DCC: variants seen among roughly 807,000 people sequenced by gnomAD.
DCC encodes the protein DCC netrin 1 receptor, also known as netrin receptor DCC.
In DCC, 58 loss-of-function variants were observed where a neutral mutation model predicts 172.5. The ratio of observed to expected loss-of-function variants is 0.34; its 90% confidence interval spans 0.27 to 0.42. DCC has a LOEUF of 0.42. DCC is among the 10% of genes least tolerant of loss of function. The pLI is 1.00. For synonymous variants in DCC, 709 were observed against 644.5 expected, an observed-to-expected ratio of 1.10 and a Z score of -1.52; for missense variants, 1,740 against 1,791.0, an observed-to-expected ratio of 0.97 and a Z score of 0.51.
At chr18:53,013,306 A>G (rs922790444) in intron 5 of DCC, among the ~76,000 whole-genome samples, 2 of 152,194 alleles carry the variant, frequency 1.3e-5, no homozygotes, top group Non-Finnish European at 2.9e-5. Flanking sequence ...CCAAATGTCC[A>G]TAATTGATAG....
At chr18:52,742,545 T>C (rs1422807644) in intron 1 of DCC, among the ~76,000 whole-genome samples, 1 of 152,188 alleles carries the variant, frequency 6.6e-6, no homozygotes, top group Admixed American at 6.5e-5. Flanking sequence ...AGGAATGGCA[T>C]GAAGATGTTT....
chr18:53,251,463 A>G (rs1158667815), intron 12 of DCC, among the ~76,000 whole-genome samples: 1 of 152,006 alleles, frequency 6.6e-6, no homozygotes, highest in African/African-American at 2.4e-5. Context: ...TAACAATAAC[A>G]CAAATATGAT....
At chr18:52,684,798 T>G (rs2035803110) in intron 1 of DCC, among the ~76,000 whole-genome samples, 1 of 152,136 alleles carries the variant, frequency 6.6e-6, no homozygotes, top group African/African-American at 2.4e-5. Flanking sequence ...AGTGTACAGG[T>G]GGCTAATCCG....
intron 24 of DCC, among the ~76,000 whole-genome samples, chr18:53,461,108 G>T (rs1296512414): frequency 1.3e-5 from 2 of 152,086 alleles, no homozygotes; most frequent in Non-Finnish European, 2.9e-5. Context: ...CATGTCCTTC[G>T]CCCACTTTTT....
intron 7 of DCC, among the ~76,000 whole-genome samples, chr18:53,154,494 G>A (rs897463578): frequency 1.3e-5 from 2 of 152,130 alleles, no homozygotes; most frequent in African/African-American, 4.8e-5. Context: ...AGAGTGACAC[G>A]ACCAGATTTA....
At chr18:52,709,570 G>A (rs748970644) in intron 1 of DCC, among the ~76,000 whole-genome samples, 2 of 152,120 alleles carry the variant, frequency 1.3e-5, no homozygotes, top group Admixed American at 6.5e-5. Context: ...GCTCTTCTTC[G>A]ATTTAATTCC....
At chr18:53,048,674 G>GAT (rs1320406831) in intron 5 of DCC, among the ~76,000 whole-genome samples, 193 of 149,672 alleles carry the variant, frequency 1.3e-3, no homozygotes, top group Admixed American at 2.3e-3. Flanking sequence ...ATGTATATAT[G>GAT]ATATATATAT....
At chr18:53,331,665 T>G (rs777344228) in intron 14 of DCC, among the ~76,000 whole-genome samples, 32 of 152,214 alleles carry the variant, frequency 2.1e-4, no homozygotes, top group Admixed American at 7.9e-4. Flanking sequence ...GTGTTGGACA[T>G]GCCAACCTGC....
At chr18:53,304,839 C>T (rs2057180557) in intron 12 of DCC, among the ~76,000 whole-genome samples, 1 of 152,182 alleles carries the variant, frequency 6.6e-6, no homozygotes, top group Admixed American at 6.5e-5. Flanking sequence ...TCTTCTTTGG[C>T]TCAGTCAACC....
At chr18:52,660,245 A>T (rs1314012369) in intron 1 of DCC, among the ~76,000 whole-genome samples, 1 of 152,124 alleles carries the variant, frequency 6.6e-6, no homozygotes, top group East Asian at 1.9e-4. Context: ...GTTAATAATT[A>T]TTTGCCTGAC....
At chr18:52,628,850 A>G (rs1372287554) in intron 1 of DCC, among the ~76,000 whole-genome samples, 1 of 152,178 alleles carries the variant, frequency 6.6e-6, no homozygotes, top group Non-Finnish European at 1.5e-5. Flanking sequence ...TGAAGCTGCA[A>G]GTGTTATTAA....
intron 27 of DCC, among the ~76,000 whole-genome samples, chr18:53,503,837 A>G (rs2046134918): frequency 6.6e-6 from 1 of 152,142 alleles, no homozygotes; most frequent in South Asian, 2.1e-4. Context: ...CATAAGCACT[A>G]TATTTTCCTT....
chr18:53,213,889 T>G (rs887877299), intron 11 of DCC, among the ~76,000 whole-genome samples: 36 of 101,640 alleles, frequency 3.5e-4, no homozygotes, highest in African/African-American at 1.8e-3. Flanking sequence ...AATTTATACT[T>G]TAACTTAAAA....
chr18:52,465,104 A>C (rs938674050), intron 1 of DCC, among the ~76,000 whole-genome samples: 1 of 152,152 alleles, frequency 6.6e-6, no homozygotes, highest in South Asian at 2.1e-4. Flanking sequence ...TAAATTAACT[A>C]GGGAAGTGAT....
In DCC at chr18:53,271,524, C is replaced by T. The variant is rs753002499; in HGVS notation, c.1912-34054C>T. ...GGGAAGGTCTGCTTCAAAGCTCATACATTTGGCTGTTGGCAGGCCCCAGGT... is the reference window on the plus strand; with the variant it reads ...GGGAAGGTCTGCTTCAAAGCTCATATATTTGGCTGTTGGCAGGCCCCAGGT... On this transcript the variant is annotated intron_variant, in intron 12 of 28. Coordinates refer to ENST00000442544, the MANE Select transcript of DCC (RefSeq NM_005215.4). 3.3e-5 allele frequency among the ~76,000 whole-genome samples: 5 copies of T among 152,240 alleles called. 1 individual carries two copies. The highest frequency in any genetic ancestry group is 4.1e-4 in the South Asian group (2 of 4,830).
At chr18:52,756,469 A>G (rs1313463301) in intron 2 of DCC, among the ~76,000 whole-genome samples, 5 of 152,186 alleles carry the variant, frequency 3.3e-5, no homozygotes, top group African/African-American at 9.7e-5. Context: ...CAGCAGATCA[A>G]ACTCACCCAT....
intron 5 of DCC, among the ~76,000 whole-genome samples, chr18:52,929,103 G>A (rs1263566669): frequency 2.0e-5 from 3 of 152,074 alleles, no homozygotes; most frequent in East Asian, 1.9e-4. Context: ...TCATTCCCTC[G>A]AGGAGCTGCC....
At chr18:52,982,464 G>C (rs771084376) in intron 5 of DCC, among the ~76,000 whole-genome samples, 1 of 152,072 alleles carries the variant, frequency 6.6e-6, no homozygotes, top group African/African-American at 2.4e-5. Context: ...TTTGTTCATT[G>C]CCCTTCTTGC....
chr18:53,276,317 T>C (rs1172316213), intron 12 of DCC, among the ~76,000 whole-genome samples: 1 of 152,142 alleles, frequency 6.6e-6, no homozygotes, highest in Non-Finnish European at 1.5e-5. Context: ...TAAATCCCCA[T>C]GGACAAATAT....
Sources: allele counts gnomAD v4.1 joint callset (sites outside exome capture counted in the v4.1 genomes callset), GRCh38; gene constraint gnomAD v4.1.1; transcripts MANE v1.5; gene names NCBI Gene and HGNC (gene_info 2026-07-23, HGNC 2026-07-21).